Variants in CADM2 observed in about 807,000 individuals in gnomAD.
The protein encoded by CADM2 is immunoglobulin superfamily member 4D.
Under a neutral mutation model 49.8 loss-of-function variants are expected in CADM2, and 12 were observed. That is an observed-to-expected ratio of 0.24 (90% CI 0.15 to 0.39). The LOEUF (loss-of-function observed/expected upper bound fraction) is 0.39, where lower values mean the gene tolerates loss of function less well. Among genes scored for constraint, CADM2 ranks in the 10% least tolerant of loss-of-function variants. The probability of loss-of-function intolerance (pLI) is 1.00; values close to 1 mark genes in which losing one functional copy is unlikely to be tolerated. For missense variants in CADM2, 378 were observed against 492.3 expected (o/e 0.77, Z 2.20); for synonymous variants, 214 against 175.4 (o/e 1.22, Z -1.74).
chr3:85,722,701 G>T (rs1260790109), intron 1 of CADM2, among the ~76,000 whole-genome samples: 1 of 152,100 alleles, frequency 6.6e-6, no homozygotes, highest in African/African-American at 2.4e-5. Flanking sequence ...GACAGTAAAT[G>T]TTAAAATAAG....
At position 85,392,159 on chromosome 3, in the gene CADM2, G is replaced by A. The variant is rs192364043; in HGVS notation, c.62-334363G>A. Among the ~76,000 whole-genome samples the A allele has an allele frequency of 2.2e-3, 327 of 152,080 alleles. 2 individuals are homozygous for A. Among genetic ancestry groups the A allele is most frequent in the African/African-American group, 7.6e-3 (314 of 41,524 alleles). ...TTGAAATTACATTTCTAAATATTTGGTATGCTTGAGAACAGTGAGTTAGAT... is the reference window on the plus strand; with the variant it reads ...TTGAAATTACATTTCTAAATATTTGATATGCTTGAGAACAGTGAGTTAGAT... On this transcript the variant is annotated intron_variant, in intron 1 of 9. Coordinates refer to ENST00000383699, the MANE Select transcript of CADM2 (RefSeq NM_001167675.2).
At chr3:84,986,105 G>A (rs1205109432) in intron 1 of CADM2, among the ~76,000 whole-genome samples, 6 of 152,118 alleles carry the variant, frequency 3.9e-5, no homozygotes, top group Admixed American at 1.3e-4. Flanking sequence ...TAGAGAATTA[G>A]GAAAACACCA....
chr3:85,975,068 G>A (rs1174582420), intron 8 of CADM2, among the ~76,000 whole-genome samples: 1 of 151,174 alleles, frequency 6.6e-6, no homozygotes, highest in Non-Finnish European at 1.5e-5. Flanking sequence ...TAGAGGTCCA[G>A]GATTTACATA....
At chr3:85,893,964 A>G (rs2108427128) in intron 5 of CADM2, among the ~76,000 whole-genome samples, 1 of 152,340 alleles carries the variant, frequency 6.6e-6, no homozygotes, top group South Asian at 2.1e-4. Flanking sequence ...CTAGAACTGG[A>G]AATACCATTT....
chr3:85,791,824 C>T (rs953469487), intron 2 of CADM2, among the ~76,000 whole-genome samples: 4 of 151,942 alleles, frequency 2.6e-5, no homozygotes, highest in South Asian at 2.1e-4. Flanking sequence ...CCTGGGTTCA[C>T]GCCATTCTCC....
intron 1 of CADM2, among the ~76,000 whole-genome samples, chr3:85,723,812 T>C (rs1260996123): frequency 1.3e-5 from 2 of 152,078 alleles, no homozygotes; most frequent in East Asian, 3.9e-4. Flanking sequence ...ACATGTTAGA[T>C]GCTAATTAAT....
At chr3:85,929,860 T>G (rs146388080) in intron 6 of CADM2, among the ~76,000 whole-genome samples, 146 of 152,164 alleles carry the variant, frequency 9.6e-4, no homozygotes, top group African/African-American at 3.3e-3. Flanking sequence ...TAACATTGCT[T>G]AATCAATTCT....
At chr3:85,650,441 AGT>A (rs1465032732) in intron 1 of CADM2, among the ~76,000 whole-genome samples, 7 of 151,220 alleles carry the variant, frequency 4.6e-5, no homozygotes, top group Non-Finnish European at 8.8e-5. Flanking sequence ...AAGGATACTG[AGT>A]GTGTGTGTAA....
intron 1 of CADM2, among the ~76,000 whole-genome samples, chr3:85,150,908 C>CA (rs1014057083): frequency 6.9e-6 from 1 of 144,912 alleles, no homozygotes; most frequent in Non-Finnish European, 1.5e-5. Context: ...GACGCTGTTT[C>CA]AAAAAAATAA....
intron 1 of CADM2, among the ~76,000 whole-genome samples, chr3:85,229,058 T>C (rs1015808728): frequency 6.6e-6 from 1 of 152,188 alleles, no homozygotes; most frequent in East Asian, 1.9e-4. Flanking sequence ...CTTCCTGAGC[T>C]GTGGTGGGCT....
chr3:84,960,497 C>G (rs1204709825), intron 1 of CADM2: 1 of 148,866 alleles, frequency 6.7e-6, no homozygotes, highest in African/African-American at 2.5e-5. Context: ...TTTTTTTTAA[C>G]CAAAGAAATA....
intron 1 of CADM2, among the ~76,000 whole-genome samples, chr3:84,986,216 T>C (rs1343859362): frequency 1.3e-5 from 2 of 152,244 alleles, no homozygotes; most frequent in Non-Finnish European, 2.9e-5. Flanking sequence ...AATGTTTTTC[T>C]GCAAGACATT....
rs764718640 is a variant in CADM2 at position 85,387,058 on chromosome 3, G to A, written c.62-339464G>A. Among the ~76,000 whole-genome samples the A allele has an allele frequency of 4.5e-4, 68 of 152,194 alleles. 1 individual carries two copies. Among genetic ancestry groups the A allele is most frequent in the Non-Finnish European group, 2.8e-4 (19 of 67,998 alleles). On this transcript the variant is annotated intron_variant, in intron 1 of 9. Transcript: ENST00000383699. Reference sequence around the variant, plus strand: ...TCCTAAAGCAATCTCTCTGAGTAAGGAATACTCTGGGAGTTAGGAGAGAAT... The same window carrying A: ...TCCTAAAGCAATCTCTCTGAGTAAGAAATACTCTGGGAGTTAGGAGAGAAT...
intron 1 of CADM2, among the ~76,000 whole-genome samples, chr3:85,201,305 C>T (rs2041494192): frequency 6.6e-6 from 1 of 152,154 alleles, no homozygotes; most frequent in Non-Finnish European, 1.5e-5. Flanking sequence ...TATGCTTACA[C>T]TATACTGTAG....
At chr3:85,220,640 T>C (rs1486797992) in intron 1 of CADM2, among the ~76,000 whole-genome samples, 1 of 152,052 alleles carries the variant, frequency 6.6e-6, no homozygotes, top group Non-Finnish European at 1.5e-5. Context: ...TAAAATCATA[T>C]CTGGAATACT....
At chr3:85,566,212 T>C (rs1451114140) in intron 1 of CADM2, among the ~76,000 whole-genome samples, 1 of 152,158 alleles carries the variant, frequency 6.6e-6, no homozygotes, top group Non-Finnish European at 1.5e-5. Context: ...TGTGATCTTA[T>C]CTCTCCTACT....
rs61269529 is a variant in CADM2 at position 85,086,509 on chromosome 3, CTTT to C, written c.61+126859_61+126861del. Reference sequence around the variant, plus strand: ...AAATATCAAAACATACAAGAATAAACTTTTTTTTTTTTTTTTTTTTGAGATGGA... The same window carrying C: ...AAATATCAAAACATACAAGAATAAACTTTTTTTTTTTTTTTTTGAGATGGA... On this transcript the variant is annotated intron_variant, in intron 1 of 9. Coordinates refer to ENST00000383699, the MANE Select transcript of CADM2 (RefSeq NM_001167675.2). 1.7e-3 allele frequency among the ~76,000 whole-genome samples: 170 copies of C among 102,304 alleles called. 1 individual carries two copies. Among genetic ancestry groups the C allele is most frequent in the African/African-American group, 6.0e-3 (149 of 24,828 alleles). 67.1% of individuals were successfully genotyped at this position (102,304 alleles called of 152,430 possible).
intron 1 of CADM2, among the ~76,000 whole-genome samples, chr3:85,062,146 G>C (rs1346495163): frequency 6.6e-6 from 1 of 150,948 alleles, no homozygotes; most frequent in Non-Finnish European, 1.5e-5. Context: ...CTTGCTTCCG[G>C]TACACAACTT....
intron 1 of CADM2, among the ~76,000 whole-genome samples, chr3:85,413,863 C>T (rs576826637): frequency 6.6e-6 from 1 of 151,052 alleles, no homozygotes; most frequent in Non-Finnish European, 1.5e-5. Flanking sequence ...AACTGGCTAG[C>T]TATTTTAATT....
Sources: allele counts gnomAD v4.1 joint callset (sites outside exome capture counted in the v4.1 genomes callset), GRCh38; gene constraint gnomAD v4.1.1; transcripts MANE v1.5; gene names NCBI Gene and HGNC (gene_info 2026-07-23, HGNC 2026-07-21).